Variants in TRPM1 observed in about 807,000 individuals in gnomAD.
TRPM1 encodes transient receptor potential cation channel subfamily M member 1.
Under a neutral mutation model 149.4 loss-of-function variants are expected in TRPM1, and 113 were observed. That is an observed-to-expected ratio of 0.76 (90% CI 0.65 to 0.88). The LOEUF (loss-of-function observed/expected upper bound fraction) is 0.88. Ranked by LOEUF, TRPM1 falls within the 40% of genes least tolerant of loss-of-function variation. TRPM1 has a pLI of 0.00. For missense variants in TRPM1, 1,976 were observed against 2,038.7 expected (o/e 0.97, Z 0.59); for synonymous variants, 741 against 759.5 (o/e 0.98, Z 0.40).
chr15:31,046,020 A>G (rs1034236314), intron 16 of TRPM1, among the ~76,000 whole-genome samples, 184 bp downstream of exon 16: 4 of 152,146 alleles, frequency 2.6e-5, no homozygotes, highest in Non-Finnish European at 5.9e-5. Context: ...TAGTTCTAGA[A>G]ATGGATTGTG....
At chr15:31,016,773 T>G (rs900736301) in intron 27 of TRPM1, among the ~76,000 whole-genome samples, 8 of 152,182 alleles carry the variant, frequency 5.3e-5, no homozygotes, top group Admixed American at 2.0e-4. Flanking sequence ...TGCTCTGTCC[T>G]TAACTGCATC....
Position 31,121,217 on chromosome 15 carries a change from C to A in TRPM1, c.54+39689G>T, listed in dbSNP as rs1460530496. On this transcript the variant is annotated intron_variant, in intron 1 of 26. Coordinates refer to the TRPM1 transcript ENST00000542188. Reference sequence around the variant, plus strand: ...TCTGACCTGGGCGCAGAGCAAGACTCCATCTCAAAAAAAAAAAAAAAAAAA... The same window carrying A: ...TCTGACCTGGGCGCAGAGCAAGACTACATCTCAAAAAAAAAAAAAAAAAAA... Among the ~76,000 whole-genome samples, 25 of 111,862 alleles carry A rather than the reference C, an allele frequency of 2.2e-4. 1 individual carries two copies. The allele number at this position is 111,862 out of a possible 152,430, so 73.4% of individuals were successfully genotyped here. A position where few individuals can be genotyped will look rare whatever the true frequency, so the allele number is the denominator to read the frequency against.
rs117855013 is a variant in TRPM1, at chr15:31,002,793, C to T, written c.3907G>A (p.Glu1303Lys). ...AGAGATGTATCCTCAAATAATAACT[C>T]TTCTCCGTTAAAATGATATCGATAC... ...SLYRYHFNGE[E>K]LLFEDTSLST... The change falls in exon 28 of 28, where the codon GAG becomes AAG. Residue 1303 changes from glutamate (E) to lysine (K), a missense_variant. By Grantham distance (56) the Glu-to-Lys change is moderately conservative (BLOSUM62 1). Around this residue, in one of 3 missense-constraint regions of TRPM1, gnomAD observed 572 missense variants for 578.9 expected, o/e 0.99. Coordinates refer to ENST00000256552, the MANE Select transcript of TRPM1 (RefSeq NM_001252024.2). 7.8e-3 allele frequency: 12,638 copies of T among 1,614,198 alleles called. 60 individuals carry two copies. Among genetic ancestry groups the T allele is most frequent in the Non-Finnish European group, 9.5e-3 (11,251 of 1,180,032 alleles).
intron 1 of TRPM1, among the ~76,000 whole-genome samples, chr15:31,155,364 C>T (rs1325862816): frequency 1.3e-5 from 2 of 152,150 alleles, no homozygotes; most frequent in Non-Finnish European, 2.9e-5. Context: ...CAGCTCCAAC[C>T]ACACATGGTT....
intron 21 of TRPM1, among the ~76,000 whole-genome samples, chr15:31,034,815 C>T (rs994438242): frequency 3.3e-5 from 5 of 152,194 alleles, no homozygotes; most frequent in Admixed American, 1.3e-4. Context: ...TATCTCAGGT[C>T]GCTGGCAGCA....
At chr15:31,012,145 T>C (rs968823812) in intron 27 of TRPM1, among the ~76,000 whole-genome samples, 5 of 152,208 alleles carry the variant, frequency 3.3e-5, no homozygotes, top group African/African-American at 1.2e-4. Flanking sequence ...AAAAAGTAGT[T>C]ACAAACAAAA....
At chr15:31,055,305 A>T (rs1180826455) in intron 11 of TRPM1, among the ~76,000 whole-genome samples, 2 of 152,194 alleles carry the variant, frequency 1.3e-5, no homozygotes, top group Non-Finnish European at 2.9e-5. Context: ...ATGACAGCAG[A>T]GGAGTATGAA....
intron 1 of TRPM1, among the ~76,000 whole-genome samples, chr15:31,112,824 T>C (rs6493464): frequency 0.61 from 92,895 of 152,108 alleles, 28,556 homozygotes; most frequent in East Asian, 0.74. Context: ...GATATTAAAA[T>C]TCTGAGAAGT....
At position 31,001,752 on chromosome 15, in the gene TRPM1, T is replaced by G; in HGVS notation, c.*70A>C. On this transcript the variant is annotated 3_prime_UTR_variant, in exon 28 of 28. Transcript: ENST00000256552. ...AAATGTTTTTAGAAATTGATGATGT[T>G]TAGATGGCCAAGATGACACCCATTA... 1 of 1,524,764 alleles carries G rather than the reference T, an allele frequency of 6.6e-7. No homozygotes were observed. The highest frequency in any genetic ancestry group is 1.4e-5 in the African/African-American group (1 of 71,608). 94.5% of individuals were successfully genotyped at this position (1,524,764 alleles called of 1,614,324 possible).
At chr15:31,071,699 C>T (rs2034543423) in intron 3 of TRPM1, among the ~76,000 whole-genome samples, 1 of 151,898 alleles carries the variant, frequency 6.6e-6, no homozygotes, top group Non-Finnish European at 1.5e-5. Flanking sequence ...AGCAGTGGCT[C>T]ACGCCTGTAA....
At chr15:31,140,609 C>T (rs926346812) in intron 1 of TRPM1, among the ~76,000 whole-genome samples, 1 of 152,130 alleles carries the variant, frequency 6.6e-6, no homozygotes, top group Admixed American at 6.5e-5. Context: ...TCTTCTCTTC[C>T]ATGTGATCTG....
upstream of TRPM1, among the ~76,000 whole-genome samples, chr15:31,106,397 A>G (rs2035607022): frequency 6.6e-6 from 1 of 152,056 alleles, no homozygotes; most frequent in Non-Finnish European, 1.5e-5. Context: ...CGGCTGCCCA[A>G]GGTGCTGGGA....
At chr15:31,091,379 C>T (rs928052319) in intron 1 of TRPM1, among the ~76,000 whole-genome samples, 4 of 152,264 alleles carry the variant, frequency 2.6e-5, no homozygotes, top group Admixed American at 6.5e-5. Context: ...GTTAAATGGA[C>T]TTCTGGGGCT....
At chr15:31,085,628 C>T (rs1596054309) in intron 1 of TRPM1, among the ~76,000 whole-genome samples, 1 of 152,338 alleles carries the variant, frequency 6.6e-6, no homozygotes. Context: ...ATACCAGGAA[C>T]GCTTGTCGCT....
At chr15:31,059,932 CACAT>C (rs1250571870) in intron 11 of TRPM1, among the ~76,000 whole-genome samples, 1 of 152,010 alleles carries the variant, frequency 6.6e-6, no homozygotes, top group Non-Finnish European at 1.5e-5. Context: ...GTCACACACA[CACAT>C]TAGTACTCCT....
intron 20 of TRPM1, among the ~76,000 whole-genome samples, chr15:31,036,803 A>G (rs1222523367): frequency 1.3e-5 from 2 of 152,152 alleles, no homozygotes; most frequent in African/African-American, 2.4e-5. Context: ...TGGCTGCCAC[A>G]AGGTTGGGTG....
chr15:31,032,602 A>G (rs1019913974), intron 22 of TRPM1, 87 bp downstream of exon 22: 2 of 1,536,052 alleles, frequency 1.3e-6, no homozygotes, highest in African/African-American at 2.7e-5. Flanking sequence ...ACCAAATGAA[A>G]TTGAAGGAAG....
intron 1 of TRPM1, among the ~76,000 whole-genome samples, chr15:31,132,845 C>T (rs1391904016): frequency 1.3e-5 from 2 of 152,150 alleles, no homozygotes; most frequent in Non-Finnish European, 2.9e-5. Context: ...TTATAAAGGG[C>T]AGTTCCCCTG....
chr15:31,083,006 G>A (rs140979972), intron 1 of TRPM1, among the ~76,000 whole-genome samples: 2 of 152,256 alleles, frequency 1.3e-5, no homozygotes, highest in East Asian at 3.9e-4. Context: ...GTACAGGAAG[G>A]TGCAGGGGGA....
Sources: gnomAD v4.1 joint callset for allele counts (sites outside exome capture counted in the v4.1 genomes callset) on GRCh38, gnomAD v4.1.1 for gene constraint, gnomAD v4.1.1 regional missense constraint, MANE v1.5 for transcripts, NCBI Gene and HGNC (gene_info 2026-07-23, HGNC 2026-07-21) for gene names.